Variants in ADGRB3 observed in about 807,000 individuals in gnomAD.
ADGRB3 encodes adhesion G protein-coupled receptor B3.
In ADGRB3, 37 loss-of-function variants were observed where a neutral mutation model predicts 193.4. The ratio of observed to expected loss-of-function variants is 0.19; its 90% CI spans 0.15 to 0.25. The LOEUF (loss-of-function observed/expected upper bound fraction) is 0.25, where lower values mean the gene tolerates loss of function less well. Among genes scored for constraint, ADGRB3 ranks in the 10% least tolerant of loss-of-function variants. The pLI, the probability that ADGRB3 is intolerant of heterozygous loss-of-function variation, is 1.00. For synonymous variants in ADGRB3, 690 were observed against 644.2 expected (o/e 1.07, Z -1.08); for missense variants, 1,637 against 1,852.9 (o/e 0.88, Z 2.14).
At chr6:69,200,876 T>C (rs1438969922) in intron 17 of ADGRB3, among the ~76,000 whole-genome samples, 4 of 152,290 alleles carry the variant, frequency 2.6e-5, no homozygotes, top group African/African-American at 9.6e-5. Flanking sequence ...AAGCTGACAC[T>C]GCTAGAACCA....
chr6:68,951,598 T>C (rs1485995530), intron 6 of ADGRB3, among the ~76,000 whole-genome samples: 4 of 152,288 alleles, frequency 2.6e-5, no homozygotes, highest in African/African-American at 7.2e-5. Flanking sequence ...CTCCTGTGTG[T>C]GTTACGAGAC....
chr6:69,270,231 T>C (rs1186456491), intron 20 of ADGRB3, among the ~76,000 whole-genome samples: 1 of 34,444 alleles, frequency 2.9e-5, no homozygotes, highest in East Asian at 8.1e-4. Flanking sequence ...GTCAAGTACA[T>C]TTATCATCAG....
At chr6:68,702,311 A>T (rs1196086485) in intron 3 of ADGRB3, among the ~76,000 whole-genome samples, 1 of 152,038 alleles carries the variant, frequency 6.6e-6, no homozygotes, top group Non-Finnish European at 1.5e-5. Context: ...CACCAAGGGG[A>T]TGGTACTAAA....
intron 3 of ADGRB3, among the ~76,000 whole-genome samples, chr6:68,698,187 T>C (rs1765187711): frequency 6.6e-6 from 1 of 151,972 alleles, no homozygotes; most frequent in Admixed American, 6.6e-5. Context: ...ATACAAATTA[T>C]ATTTTGATTT....
intron 13 of ADGRB3, among the ~76,000 whole-genome samples, chr6:69,025,087 G>A (rs1336759800): frequency 6.0e-4 from 52 of 86,562 alleles, no homozygotes; most frequent in Middle Eastern, 5.3e-3. Context: ...GCGAGACTCC[G>A]TCTCAAAAAA....
chr6:68,855,146 A>G (rs999816584), intron 3 of ADGRB3, among the ~76,000 whole-genome samples: 3 of 152,200 alleles, frequency 2.0e-5, no homozygotes, highest in African/African-American at 7.2e-5. Context: ...ATGAAAATCA[A>G]GTATTCTGTT....
At chr6:68,822,777 A>G (rs1350197296) in intron 3 of ADGRB3, among the ~76,000 whole-genome samples, 1 of 151,998 alleles carries the variant, frequency 6.6e-6, no homozygotes, top group Non-Finnish European at 1.5e-5. Flanking sequence ...CAAAAATTTT[A>G]TGAGCCACTT....
chr6:69,262,945 A>C (rs1395625983), intron 20 of ADGRB3, among the ~76,000 whole-genome samples: 1 of 151,966 alleles, frequency 6.6e-6, no homozygotes, highest in Non-Finnish European at 1.5e-5. Context: ...GAGACCTTAC[A>C]TATAGCGTTT....
intron 20 of ADGRB3, among the ~76,000 whole-genome samples, chr6:69,248,899 G>A (rs1766553768): frequency 1.3e-5 from 2 of 152,208 alleles, no homozygotes; most frequent in South Asian, 2.1e-4. Flanking sequence ...TGCAGAACTG[G>A]AACAGAGGGA....
At chr6:69,102,849 C>T (rs1773103459) in intron 17 of ADGRB3, among the ~76,000 whole-genome samples, 1 of 152,164 alleles carries the variant, frequency 6.6e-6, no homozygotes, top group Admixed American at 6.5e-5. Context: ...AATACATTAT[C>T]ACTATGCAGC....
At chr6:68,697,784 G>C (rs1198569025) in intron 3 of ADGRB3, among the ~76,000 whole-genome samples, 1 of 151,860 alleles carries the variant, frequency 6.6e-6, no homozygotes, top group East Asian at 1.9e-4. Flanking sequence ...CCAGATATAG[G>C]ACTAGCTCTT....
chr6:68,837,177 G>A (rs1054829654), intron 3 of ADGRB3, among the ~76,000 whole-genome samples: 3 of 152,104 alleles, frequency 2.0e-5, no homozygotes, highest in African/African-American at 4.8e-5. Context: ...GCTTTTCTCT[G>A]TAAGTAACTT....
chr6:69,175,841 G>A (rs1455377529), intron 17 of ADGRB3, among the ~76,000 whole-genome samples: 1 of 152,260 alleles, frequency 6.6e-6, no homozygotes, highest in East Asian at 1.9e-4. Context: ...TTTCCTTGTA[G>A]AGATCTTTCA....
At chr6:68,812,674 T>C (rs924205745) in intron 3 of ADGRB3, among the ~76,000 whole-genome samples, 1 of 152,182 alleles carries the variant, frequency 6.6e-6, no homozygotes, top group Admixed American at 6.5e-5. Context: ...GTAAGTTCTT[T>C]TTTTTTTCTT....
intron 11 of ADGRB3, among the ~76,000 whole-genome samples, chr6:69,013,174 C>T (rs1769986227): frequency 6.6e-6 from 1 of 152,068 alleles, no homozygotes; most frequent in Non-Finnish European, 1.5e-5. Flanking sequence ...AGAAAAGTCT[C>T]TCTCTGGTAA....
At chr6:68,843,239 C>G (rs1768199655) in intron 3 of ADGRB3, among the ~76,000 whole-genome samples, 1 of 151,828 alleles carries the variant, frequency 6.6e-6, no homozygotes, top group South Asian at 2.1e-4. Context: ...GTCAAGTTAT[C>G]CTTGTTTGCA....
chr6:68,639,460 G>A, intron 3 of ADGRB3, 28 bp downstream of exon 3: 1 of 1,561,264 alleles, frequency 6.4e-7, no homozygotes, highest in East Asian at 2.3e-5. Flanking sequence ...GGGAAGGTGA[G>A]CGGGGGAGCA....
chr6:69,292,226 C>T (rs1274610184), intron 20 of ADGRB3, among the ~76,000 whole-genome samples: 1 of 152,098 alleles, frequency 6.6e-6, no homozygotes, highest in African/African-American at 2.4e-5. Flanking sequence ...ATGCCTCAAC[C>T]ATGAACTTCC....
intron 17 of ADGRB3, among the ~76,000 whole-genome samples, chr6:69,130,856 T>C (rs1198009814): frequency 6.6e-6 from 1 of 152,116 alleles, no homozygotes; most frequent in Non-Finnish European, 1.5e-5. Flanking sequence ...TTGAAAGATA[T>C]ATCCTTTAGT....
Sources: gnomAD v4.1 joint callset for allele counts (sites outside exome capture counted in the v4.1 genomes callset) on GRCh38, gnomAD v4.1.1 for gene constraint, MANE v1.5 for transcripts, NCBI Gene and HGNC (gene_info 2026-07-23, HGNC 2026-07-21) for gene names.